Variants in STX2 observed in about 807,000 individuals in gnomAD.
The protein encoded by STX2 is syntaxin 2, also known as syntaxin-2.
Under a neutral mutation model 40.6 loss-of-function variants are expected in STX2, and 27 were observed. That is an observed-to-expected ratio of 0.66 (90% CI 0.49 to 0.92). The LOEUF (loss-of-function observed/expected upper bound fraction) is 0.92. STX2 is among the 40% of genes least tolerant of loss of function. The probability of loss-of-function intolerance (pLI) is 0.00; values close to 1 mark genes in which losing one functional copy is unlikely to be tolerated. For synonymous variants in STX2, 123 were observed against 119.1 expected, an observed-to-expected ratio of 1.03 and a Z score of -0.22; for missense variants, 328 against 366.1, an observed-to-expected ratio of 0.90 and a Z score of 0.85.
In STX2 at chr12:130,818,181, AAAAAATATATATATAT is replaced by A. The variant is rs1431117772; in HGVS notation, c.205+3492_205+3507del. ...AAACGCTGTTTCTACAAAAAAAAAA[AAAAAATATATATATAT>A]ATATATATATATATATATATAAAAT... On this transcript the variant is annotated intron_variant, in intron 3 of 10. Transcript: ENST00000392373. Among the ~76,000 whole-genome samples the A allele has an allele frequency of 2.3e-3, 46 of 20,192 alleles. 1 individual carries two copies. The highest frequency in any genetic ancestry group is 0.017 in the East Asian group (14 of 818). 13.2% of individuals were successfully genotyped at this position (20,192 alleles called of 152,430 possible).
chr12:130,799,347 A>T (rs1488266805), intron 8 of STX2, among the ~76,000 whole-genome samples: 5 of 152,238 alleles, frequency 3.3e-5, no homozygotes, highest in Admixed American at 1.3e-4. Flanking sequence ...AAACAGTGAA[A>T]CAAAGCCAGG....
Position 130,796,003 on chromosome 12 carries a change from T to C in STX2, c.*37A>G, listed in dbSNP as rs1218374745. On this transcript the variant is annotated 3_prime_UTR_variant, in exon 10 of 11. Coordinates refer to ENST00000392373, the MANE Select transcript of STX2 (RefSeq NM_194356.4). ...GTTGATGAGTTACTTACTCCCACCC[T>C]GGCAGAGAGGCATGCACACTGACGT... 2.5e-6 allele frequency: 4 copies of C among 1,608,288 alleles called. No homozygotes were observed. The Admixed American group carries it at 6.8e-5, about 27-fold the overall frequency.
At chr12:130,822,227 G>C (rs1024658664) in intron 2 of STX2, among the ~76,000 whole-genome samples, 2 of 152,086 alleles carry the variant, frequency 1.3e-5, no homozygotes, top group African/African-American at 4.8e-5. Context: ...GACCAGCCTG[G>C]CCAACATAGA....
rs1950837714 is a variant in STX2, at chr12:130,790,009, A to G, written c.*2014T>C. ...TGAAGGAAAGGTGGGACATCACGGG[A>G]GGCAGGTCCCCCTGTGGACATGATT... On this transcript the variant is annotated 3_prime_UTR_variant, in exon 11 of 11. Coordinates refer to ENST00000392373, the MANE Select transcript of STX2 (RefSeq NM_194356.4). The G allele has an allele frequency of 6.6e-6, 1 of 152,206 alleles. No individual in the cohort carries two copies. The highest frequency in any genetic ancestry group is 1.5e-5 in the Non-Finnish European group (1 of 68,048). The allele number at this position is 152,206 out of a possible 1,614,324, so 9.4% of individuals were successfully genotyped here. A position where few individuals can be genotyped will look rare whatever the true frequency, so the allele number is the denominator to read the frequency against.
intron 6 of STX2, among the ~76,000 whole-genome samples, chr12:130,805,491 G>A (rs1029037755): frequency 6.6e-6 from 1 of 152,202 alleles, no homozygotes; most frequent in African/African-American, 2.4e-5. Context: ...GAGTATGAGA[G>A]ATGAGAGAGA....
intron 4 of STX2, 190 bp downstream of exon 4, chr12:130,812,765 TAA>T (rs1019035840): frequency 2.0e-6 from 1 of 504,752 alleles, no homozygotes; most frequent in African/African-American, 2.0e-5. Flanking sequence ...TGTAACAGTA[TAA>T]CAGTTTATAA....
chr12:130,828,565 C>T (rs1952420239), intron 1 of STX2, among the ~76,000 whole-genome samples: 1 of 151,690 alleles, frequency 6.6e-6, no homozygotes, highest in East Asian at 2.0e-4. Flanking sequence ...CTAAGCAAAG[C>T]AGCACTTCAA....
At chr12:130,834,908 A>G (rs559352284) in intron 1 of STX2, among the ~76,000 whole-genome samples, 1 of 152,264 alleles carries the variant, frequency 6.6e-6, no homozygotes, top group Non-Finnish European at 1.5e-5. Flanking sequence ...TCTTCACTAT[A>G]CAACATTCTG....
chr12:130,818,037 G>C (rs1258676541), intron 3 of STX2, among the ~76,000 whole-genome samples: 1 of 151,032 alleles, frequency 6.6e-6, no homozygotes, highest in Non-Finnish European at 1.5e-5. Context: ...GGATGCCGGA[G>C]CCTGGCCACG....
chr12:130,807,199 GCAAATGGAAAATGA>G, intron 5 of STX2, 109 bp from the exon 6 acceptor site: 1 of 1,048,238 alleles, frequency 9.5e-7, no homozygotes, highest in South Asian at 1.4e-5. Flanking sequence ...TTCTGCTCCT[GCAAATGGAAAATGA>G]CAATGGCAAA....
intron 1 of STX2, 32 bp downstream of exon 1, chr12:130,839,038 G>A: frequency 1.5e-6 from 2 of 1,345,886 alleles, no homozygotes; most frequent in Non-Finnish European, 1.9e-6. Flanking sequence ...GCCCCGGCCG[G>A]GCCTGAACCG....
rs141233596 is a variant in STX2 at position 130,803,299 on chromosome 12, G to C, written c.464-1811C>G. ...AAGGATTGCTTGAGGCTAGGAGTTT[G>C]AGACTAGCCTGGGCAACACAGCAAG... On this transcript the variant is annotated intron_variant, in intron 6 of 10. Transcript: ENST00000392373. Among the ~76,000 whole-genome samples the C allele has an allele frequency of 7.2e-4, 110 of 152,226 alleles. 1 individual carries two copies. The highest frequency in any genetic ancestry group is 2.6e-3 in the African/African-American group (108 of 41,532).
intron 4 of STX2, among the ~76,000 whole-genome samples, chr12:130,811,179 G>A (rs1463446354): frequency 6.6e-6 from 1 of 151,990 alleles, no homozygotes; most frequent in East Asian, 1.9e-4. Flanking sequence ...CCAACATGGC[G>A]AAACCCCATC....
intron 1 of STX2, 57 bp from the exon 2 acceptor site, chr12:130,827,324 C>T (rs1952359740): frequency 9.4e-6 from 13 of 1,386,606 alleles, no homozygotes; most frequent in Admixed American, 1.7e-5. Flanking sequence ...GCACAAATAG[C>T]GAACTGAAAT....
intron 1 of STX2, among the ~76,000 whole-genome samples, chr12:130,828,367 A>G (rs1177936741): frequency 2.0e-5 from 3 of 147,956 alleles, no homozygotes; most frequent in Non-Finnish European, 3.0e-5. Flanking sequence ...AGCTAGGATT[A>G]CATGCACCTG....
chr12:130,831,866 A>ATTTTTTTTT, intron 1 of STX2, among the ~76,000 whole-genome samples: 1 of 106,626 alleles, frequency 9.4e-6, no homozygotes, highest in South Asian at 3.3e-4. Flanking sequence ...CACTTCTGCA[A>ATTTTTTTTT]TTTTTTTTTT....
chr12:130,798,745 G>A (rs1951116385), intron 8 of STX2, 110 bp from the exon 9 acceptor site: 5 of 649,634 alleles, frequency 7.7e-6, no homozygotes, highest in East Asian at 3.1e-5. Context: ...TGCATGTAAT[G>A]GATACTGAGG....
intron 1 of STX2, among the ~76,000 whole-genome samples, chr12:130,830,268 A>G (rs1232163074): frequency 6.6e-6 from 1 of 152,168 alleles, no homozygotes; most frequent in Admixed American, 6.5e-5. Context: ...AATGCTCCCC[A>G]GCGCCACGCT....
chr12:130,819,558 G>C (rs1952033778), intron 3 of STX2, among the ~76,000 whole-genome samples: 1 of 152,180 alleles, frequency 6.6e-6, no homozygotes, highest in Non-Finnish European at 1.5e-5. Flanking sequence ...AACAGTAACA[G>C]TTCTAAATTT....
Sources: allele counts gnomAD v4.1 joint callset (sites outside exome capture counted in the v4.1 genomes callset), GRCh38; gene constraint gnomAD v4.1.1; transcripts MANE v1.5; gene names NCBI Gene and HGNC (gene_info 2026-07-23, HGNC 2026-07-21).